The following ANKS1B variants were observed in gnomAD, a reference collection of about 807,000 sequenced individuals.
ANKS1B encodes the protein ankyrin repeat and sterile alpha motif domain containing 1B, also known as ankyrin repeat and sterile alpha motif domain-containing protein 1B.
In ANKS1B, 36 loss-of-function variants were observed where a neutral mutation model predicts 148.3. The ratio of observed to expected loss-of-function variants is 0.24; its 90% CI spans 0.19 to 0.32. The LOEUF is 0.32. ANKS1B is among the 10% of genes least tolerant of loss of function. The probability of loss-of-function intolerance (pLI) is 1.00; values close to 1 mark genes in which losing one functional copy is unlikely to be tolerated. For missense variants in ANKS1B, 1,157 were observed against 1,542.6 expected (o/e 0.75, Z 4.19); for synonymous variants, 542 against 560.8 (o/e 0.97, Z 0.47).
chr12:98,919,626 A>G (rs538018276), intron 17 of ANKS1B, among the ~76,000 whole-genome samples: 23 of 152,312 alleles, frequency 1.5e-4, no homozygotes, highest in African/African-American at 5.5e-4. Flanking sequence ...CTGTCTTTCA[A>G]AACTATCTAA....
chr12:98,831,917 A>T, intron 18 of ANKS1B, 112 bp downstream of exon 18: 1 of 1,010,618 alleles, frequency 9.9e-7, no homozygotes, highest in Non-Finnish European at 1.5e-6. Flanking sequence ...ACCTGGCTAA[A>T]TTTTTTCTGT....
intron 16 of ANKS1B, among the ~76,000 whole-genome samples, chr12:99,075,294 T>C (rs1298799909): frequency 2.0e-5 from 3 of 152,212 alleles, no homozygotes; most frequent in Non-Finnish European, 4.4e-5. Context: ...TATGTTCCTC[T>C]CTACCCTGCT....
chr12:99,538,738 G>A (rs1489289886), intron 9 of ANKS1B, among the ~76,000 whole-genome samples: 1 of 152,006 alleles, frequency 6.6e-6, no homozygotes, highest in African/African-American at 2.4e-5. Context: ...ATATCTTTCT[G>A]TTGTCTGATT....
chr12:99,737,345 CTTG>C (rs1232397900), intron 8 of ANKS1B, among the ~76,000 whole-genome samples: 1 of 152,236 alleles, frequency 6.6e-6, no homozygotes, highest in Non-Finnish European at 1.5e-5. Context: ...CAGTGAAATA[CTTG>C]TTGTCCATAA....
intron 4 of ANKS1B, among the ~76,000 whole-genome samples, chr12:99,803,643 T>C (rs1357815365): frequency 5.9e-5 from 9 of 152,226 alleles, no homozygotes. Context: ...ATGGCAATGA[T>C]ATAAAATGGT....
intron 4 of ANKS1B, among the ~76,000 whole-genome samples, chr12:99,786,461 C>G (rs1421047840): frequency 6.6e-6 from 1 of 152,088 alleles, no homozygotes; most frequent in Non-Finnish European, 1.5e-5. Context: ...CTACAAAACT[C>G]TAAAACTTCT....
chr12:99,899,781 T>C (rs1379286464), intron 1 of ANKS1B, among the ~76,000 whole-genome samples: 1 of 152,188 alleles, frequency 6.6e-6, no homozygotes, highest in African/African-American at 2.4e-5. Flanking sequence ...AAAATAATAA[T>C]GCCCTTGTTA....
intron 9 of ANKS1B, among the ~76,000 whole-genome samples, chr12:99,608,938 C>T (rs1232655508): frequency 1.3e-5 from 2 of 151,944 alleles, no homozygotes. Flanking sequence ...AAGGAGGATA[C>T]AGGAGCAGAA....
chr12:99,978,783 A>G (rs1047896489), intron 1 of ANKS1B, among the ~76,000 whole-genome samples: 1 of 152,138 alleles, frequency 6.6e-6, no homozygotes, highest in African/African-American at 2.4e-5. Flanking sequence ...GTTTTTGGTG[A>G]CCAGAAGATT....
At chr12:99,542,975 T>G (rs1393354246) in intron 9 of ANKS1B, among the ~76,000 whole-genome samples, 1 of 151,960 alleles carries the variant, frequency 6.6e-6, no homozygotes, top group African/African-American at 2.4e-5. Flanking sequence ...ACAAAAGAAA[T>G]AAATAAACTG....
rs941055709 is a variant in ANKS1B at position 99,984,032 on chromosome 12, G to C, written c.134+72C>G. 6.8e-6 allele frequency: 9 copies of C among 1,324,328 alleles called. No homozygotes were observed. In the Admixed American group the frequency reaches 1.3e-4, roughly 19 times the overall value. 82.0% of individuals were successfully genotyped at this position (1,324,328 alleles called of 1,614,324 possible). A position where few individuals can be genotyped will look rare whatever the true frequency, so the allele number is the denominator to read the frequency against. On this transcript the variant is annotated intron_variant, in intron 1 of 26. Transcript: ENST00000683438. ...GGCAGCCACCAGGTGCAATAACCGTGAGGAGGAGGACGTATATCCATCACA... is the reference window on the plus strand; with the variant it reads ...GGCAGCCACCAGGTGCAATAACCGTCAGGAGGAGGACGTATATCCATCACA...
At chr12:99,161,341 C>T (rs977832509) in intron 14 of ANKS1B, among the ~76,000 whole-genome samples, 5 of 152,000 alleles carry the variant, frequency 3.3e-5, no homozygotes, top group African/African-American at 4.8e-5. Context: ...CCAGCTTGGG[C>T]AACATAGCAA....
At chr12:98,956,140 C>T (rs562642755) in intron 17 of ANKS1B, among the ~76,000 whole-genome samples, 6 of 152,212 alleles carry the variant, frequency 3.9e-5, no homozygotes, top group Non-Finnish European at 8.8e-5. Flanking sequence ...CTCTTTGTGA[C>T]TGTGGTGAGT....
At chr12:98,943,311 C>A (rs537906010) in intron 17 of ANKS1B, among the ~76,000 whole-genome samples, 3 of 152,298 alleles carry the variant, frequency 2.0e-5, no homozygotes, top group East Asian at 3.9e-4. Flanking sequence ...TTTGTATTTG[C>A]AATGTATGAT....
At chr12:99,768,543 G>A (rs1200346615) in intron 8 of ANKS1B, among the ~76,000 whole-genome samples, 3 of 151,938 alleles carry the variant, frequency 2.0e-5, no homozygotes, top group Admixed American at 6.6e-5. Flanking sequence ...AAAACATCAG[G>A]AGGGCTGGGC....
intron 17 of ANKS1B, among the ~76,000 whole-genome samples, chr12:99,037,857 C>T (rs991756052): frequency 3.9e-5 from 6 of 152,116 alleles, no homozygotes; most frequent in Admixed American, 1.3e-4. Flanking sequence ...CATTTTTCTC[C>T]TATATCTACA....
intron 8 of ANKS1B, among the ~76,000 whole-genome samples, chr12:99,737,154 AC>A (rs1372135485): frequency 6.6e-6 from 1 of 152,140 alleles, no homozygotes; most frequent in Admixed American, 6.5e-5. Flanking sequence ...AAATAGAACT[AC>A]CATGAGATTC....
At chr12:99,164,496 T>C (rs986750961) in intron 14 of ANKS1B, among the ~76,000 whole-genome samples, 4 of 152,118 alleles carry the variant, frequency 2.6e-5, no homozygotes, top group Non-Finnish European at 5.9e-5. Context: ...TTTAACTTTG[T>C]GACTCTGAGA....
At chr12:99,086,990 G>A (rs570540389) in intron 15 of ANKS1B, among the ~76,000 whole-genome samples, 1 of 152,288 alleles carries the variant, frequency 6.6e-6, no homozygotes, top group East Asian at 1.9e-4. Context: ...ATAGACTAAC[G>A]TAGTAGTCAC....
Sources: gnomAD v4.1 joint callset for allele counts (sites outside exome capture counted in the v4.1 genomes callset) on GRCh38, gnomAD v4.1.1 for gene constraint, MANE v1.5 for transcripts, NCBI Gene and HGNC (gene_info 2026-07-23, HGNC 2026-07-21) for gene names.